The following ZNF385D variants were observed in gnomAD, a reference collection of about 807,000 sequenced individuals.
ZNF385D encodes zinc finger protein 385D, also known as zinc finger protein 659.
Under a neutral mutation model 35.8 loss-of-function variants are expected in ZNF385D, and 15 were observed. That is an observed-to-expected ratio of 0.42 (90% CI 0.28 to 0.64). ZNF385D has a LOEUF of 0.64. Among genes scored for constraint, ZNF385D ranks in the 30% least tolerant of loss-of-function variants. The pLI, the probability that ZNF385D is intolerant of heterozygous loss-of-function variation, is 0.23. For synonymous variants in ZNF385D, 212 were observed against 186.8 expected (o/e 1.13, Z -1.10); for missense variants, 474 against 494.6 (o/e 0.96, Z 0.39).
chr3:22,002,220 A>G (rs1021465405), intron 3 of ZNF385D, among the ~76,000 whole-genome samples: 2 of 152,030 alleles, frequency 1.3e-5, no homozygotes, highest in Non-Finnish European at 2.9e-5. Flanking sequence ...AATACCAAAA[A>G]AGACCCAAAT....
intron 3 of ZNF385D, among the ~76,000 whole-genome samples, chr3:21,970,903 T>C: frequency 6.6e-6 from 1 of 150,982 alleles, no homozygotes; most frequent in Non-Finnish European, 1.5e-5. Context: ...CAGGAGAGAG[T>C]GGCAGGGCAT....
intron 2 of ZNF385D, among the ~76,000 whole-genome samples, chr3:22,255,157 T>C (rs1700249982): frequency 6.6e-6 from 1 of 151,498 alleles, no homozygotes; most frequent in Admixed American, 6.6e-5. Context: ...TACTATATTG[T>C]ATAGACCTTG....
chr3:21,556,732 T>C (rs1044109802), intron 3 of ZNF385D, among the ~76,000 whole-genome samples: 1 of 152,210 alleles, frequency 6.6e-6, no homozygotes, highest in African/African-American at 2.4e-5. Flanking sequence ...GGTAGCTTGA[T>C]GGGAATAGCA....
At chr3:21,756,477 T>C (rs543930238) in intron 3 of ZNF385D, among the ~76,000 whole-genome samples, 43 of 152,176 alleles carry the variant, frequency 2.8e-4, no homozygotes, top group African/African-American at 9.6e-4. Flanking sequence ...AAATGTTTCA[T>C]AGTAGTTTGG....
Position 21,436,963 on chromosome 3 carries a change from A to T in ZNF385D, c.673+7T>A. The T allele has an allele frequency of 1.9e-6, 3 of 1,611,290 alleles. No homozygotes were observed. The highest frequency in any genetic ancestry group is 2.5e-6 in the Non-Finnish European group (3 of 1,178,338). On this transcript the variant is annotated splice_region_variant and intron_variant, in intron 5 of 7. Coordinates refer to ENST00000281523, the MANE Select transcript of ZNF385D (RefSeq NM_024697.3). ...GTTGAAACAAAAAAGAAATCGCTGCATCTCACCACTGTTGTGCGCCTCCAG... is the reference window on the plus strand; with the variant it reads ...GTTGAAACAAAAAAGAAATCGCTGCTTCTCACCACTGTTGTGCGCCTCCAG...
intron 3 of ZNF385D, among the ~76,000 whole-genome samples, chr3:21,516,790 G>T (rs542469166): frequency 6.6e-6 from 1 of 151,936 alleles, no homozygotes; most frequent in African/African-American, 2.4e-5. Context: ...TGTCTTTTTT[G>T]TAAGGGTCTG....
chr3:21,627,646 C>T (rs545256430), intron 2 of ZNF385D, among the ~76,000 whole-genome samples: 40 of 152,084 alleles, frequency 2.6e-4, no homozygotes, highest in Admixed American at 2.5e-3. Flanking sequence ...AAGTGAAATG[C>T]AGAAAAAAAG....
At chr3:22,042,834 T>C (rs1698750040) in intron 3 of ZNF385D, among the ~76,000 whole-genome samples, 1 of 152,202 alleles carries the variant, frequency 6.6e-6, no homozygotes, top group Non-Finnish European at 1.5e-5. Context: ...CTCGACGTGT[T>C]TGGTTGTCTT....
intron 3 of ZNF385D, among the ~76,000 whole-genome samples, chr3:22,157,648 A>G (rs964696678): frequency 8.5e-5 from 13 of 152,092 alleles, no homozygotes; most frequent in African/African-American, 2.9e-4. Context: ...TGATTAGTTC[A>G]CATATTCTCT....
At chr3:22,284,619 A>G (rs976537415) in intron 2 of ZNF385D, among the ~76,000 whole-genome samples, 2 of 152,058 alleles carry the variant, frequency 1.3e-5, no homozygotes, top group East Asian at 1.9e-4. Flanking sequence ...CTTAATTTCA[A>G]AAGTACAGCT....
intron 4 of ZNF385D, among the ~76,000 whole-genome samples, chr3:21,454,025 A>G (rs1321072373): frequency 6.6e-6 from 1 of 152,166 alleles, no homozygotes; most frequent in Non-Finnish European, 1.5e-5. Flanking sequence ...ATATAAAGAA[A>G]TACAATACTG....
At chr3:21,825,857 G>A (rs1694579649) in intron 3 of ZNF385D, among the ~76,000 whole-genome samples, 1 of 152,178 alleles carries the variant, frequency 6.6e-6, no homozygotes, top group South Asian at 2.1e-4. Context: ...GGAGGTGAGC[G>A]CCGGGAAAGC....
At chr3:22,096,674 T>C (rs183831253) in intron 3 of ZNF385D, among the ~76,000 whole-genome samples, 2 of 152,138 alleles carry the variant, frequency 1.3e-5, no homozygotes, top group Non-Finnish European at 2.9e-5. Flanking sequence ...TACTGCACAA[T>C]CTCTTTGTGA....
intron 3 of ZNF385D, among the ~76,000 whole-genome samples, chr3:21,800,735 T>C (rs2072358124): frequency 6.6e-6 from 1 of 152,298 alleles, no homozygotes; most frequent in African/African-American, 2.4e-5. Context: ...AATACAGTTG[T>C]CTTTTGTTTG....
intron 2 of ZNF385D, among the ~76,000 whole-genome samples, chr3:22,255,624 A>G (rs1366502883): frequency 3.3e-5 from 5 of 151,698 alleles, no homozygotes; most frequent in African/African-American, 7.3e-5. Flanking sequence ...CTACCTGCCT[A>G]TTTCTCAGCC....
At chr3:21,493,565 G>C (rs993665891) in intron 4 of ZNF385D, among the ~76,000 whole-genome samples, 1 of 151,926 alleles carries the variant, frequency 6.6e-6, no homozygotes, top group Non-Finnish European at 1.5e-5. Context: ...GATCTAAAAT[G>C]TCTTAGTAAT....
At chr3:22,242,018 T>C (rs1292866362) in intron 2 of ZNF385D, among the ~76,000 whole-genome samples, 2 of 147,790 alleles carry the variant, frequency 1.4e-5, no homozygotes, top group Non-Finnish European at 3.0e-5. Context: ...AGGTGGGAAT[T>C]GAACAATGAG....
At chr3:21,718,558 G>A (rs551292900) in intron 1 of ZNF385D, among the ~76,000 whole-genome samples, 1 of 152,280 alleles carries the variant, frequency 6.6e-6, no homozygotes, top group Admixed American at 6.5e-5. Context: ...TACAAGGCAG[G>A]TGCCATTATC....
intron 3 of ZNF385D, among the ~76,000 whole-genome samples, chr3:21,865,371 C>T (rs1679225): frequency 0.46 from 69,229 of 150,310 alleles, 16,157 homozygotes; most frequent in African/African-American, 0.54. Context: ...TTGCATCATT[C>T]GTGAAAGATA....
Sources: gnomAD v4.1 joint callset for allele counts (sites outside exome capture counted in the v4.1 genomes callset) on GRCh38, gnomAD v4.1.1 for gene constraint, MANE v1.5 for transcripts, NCBI Gene and HGNC (gene_info 2026-07-23, HGNC 2026-07-21) for gene names.